CNTNAP2: variants seen among roughly 807,000 people sequenced by gnomAD.
The protein encoded by CNTNAP2 is contactin-associated protein-like 2.
CNTNAP2 carries 98 observed loss-of-function variants against 155.2 expected under a neutral mutation model. That is an observed-to-expected ratio of 0.63 (90% CI 0.54 to 0.75). The LOEUF is 0.75. Among genes scored for constraint, CNTNAP2 ranks in the 30% least tolerant of loss-of-function variants. The pLI, the probability that CNTNAP2 is intolerant of heterozygous loss-of-function variation, is 0.00. For synonymous variants in CNTNAP2, 651 were observed against 631.2 expected (o/e 1.03, Z -0.47); for missense variants, 1,727 against 1,688.1 (o/e 1.02, Z -0.40).
chr7:146,698,190 T>A lies in CNTNAP2; in HGVS notation c.98-76081T>A, dbSNP rs553430113. On this transcript the variant is annotated intron_variant, in intron 1 of 23. Coordinates refer to ENST00000361727, the MANE Select transcript of CNTNAP2 (RefSeq NM_014141.6). ...TGCTGCTATTATTAATTAGAACAAA[T>A]TTTATGTTGTATCCTCTAAGAACCA... 6.6e-5 allele frequency among the ~76,000 whole-genome samples: 10 copies of A among 152,228 alleles called. No homozygotes were observed. In the South Asian group the frequency reaches 8.3e-4, roughly 13 times the overall value.
intron 10 of CNTNAP2, among the ~76,000 whole-genome samples, chr7:147,414,809 T>C (rs1457796902): frequency 1.4e-4 from 21 of 150,238 alleles, no homozygotes; most frequent in South Asian, 4.2e-4. Context: ...GGCGAGGTGG[T>C]GGGCGCCTGT....
chr7:148,355,662 C>G (rs80264126), intron 21 of CNTNAP2, among the ~76,000 whole-genome samples: 5,526 of 152,288 alleles, frequency 0.036, 103 homozygotes, highest in African/African-American at 0.048. Context: ...CAGCGGCTGA[C>G]ACGTGTGAAT....
chr7:146,793,903 G>GA (rs1221328024), intron 2 of CNTNAP2, among the ~76,000 whole-genome samples: 4 of 152,178 alleles, frequency 2.6e-5, no homozygotes, highest in African/African-American at 9.6e-5. Context: ...TACTGTTAAA[G>GA]AAGACAGGAC....
At chr7:148,395,576 C>T (rs1163542993) in intron 22 of CNTNAP2, among the ~76,000 whole-genome samples, 1 of 151,856 alleles carries the variant, frequency 6.6e-6, no homozygotes, top group African/African-American at 2.4e-5. Context: ...GTTGGGGGTG[C>T]GCTCTGTCAA....
chr7:146,966,324 G>A (rs1797656220), intron 3 of CNTNAP2, among the ~76,000 whole-genome samples: 1 of 152,158 alleles, frequency 6.6e-6, no homozygotes, highest in Non-Finnish European at 1.5e-5. Flanking sequence ...TATCACCCAT[G>A]CCTGTACAAT....
chr7:146,787,434 T>C (rs1194477093), intron 2 of CNTNAP2, among the ~76,000 whole-genome samples: 4 of 152,144 alleles, frequency 2.6e-5, no homozygotes, highest in Non-Finnish European at 4.4e-5. Context: ...CTCGCTGACT[T>C]CAGGAATGAA....
chr7:148,104,737 T>TTGTC (rs768567470), intron 15 of CNTNAP2, among the ~76,000 whole-genome samples: 5 of 152,228 alleles, frequency 3.3e-5, no homozygotes, highest in African/African-American at 4.8e-5. Flanking sequence ...TCACCCATCA[T>TTGTC]TGTCAGTACC....
chr7:146,672,788 T>C, intron 1 of CNTNAP2, among the ~76,000 whole-genome samples: 1 of 152,178 alleles, frequency 6.6e-6, no homozygotes, highest in East Asian at 1.9e-4. Context: ...TCTCAAAACT[T>C]ATTTTATATT....
At chr7:146,590,521 C>G (rs897974473) in intron 1 of CNTNAP2, among the ~76,000 whole-genome samples, 1 of 152,152 alleles carries the variant, frequency 6.6e-6, no homozygotes, top group African/African-American at 2.4e-5. Context: ...CTCTTAATGA[C>G]AGTACAGGTT....
At chr7:148,291,436 A>G (rs567292333) in intron 21 of CNTNAP2, among the ~76,000 whole-genome samples, 26 of 152,230 alleles carry the variant, frequency 1.7e-4, no homozygotes, top group African/African-American at 4.3e-4. Flanking sequence ...TTGGAGTCCA[A>G]TGTTCCAGGG....
intron 1 of CNTNAP2, among the ~76,000 whole-genome samples, chr7:146,717,649 TAAAAA>T (rs1801214344): frequency 6.6e-6 from 1 of 151,574 alleles, no homozygotes; most frequent in Non-Finnish European, 1.5e-5. Flanking sequence ...CTAACACAAA[TAAAAA>T]ATAACAAATT....
At chr7:147,528,051 T>C (rs1799357843) in intron 11 of CNTNAP2, among the ~76,000 whole-genome samples, 1 of 152,180 alleles carries the variant, frequency 6.6e-6, no homozygotes, top group South Asian at 2.1e-4. Context: ...CTGTCCTGTG[T>C]TGGTTCAGGG....
At chr7:147,019,337 T>C (rs1242210655) in intron 3 of CNTNAP2, among the ~76,000 whole-genome samples, 1 of 152,050 alleles carries the variant, frequency 6.6e-6, no homozygotes, top group African/African-American at 2.4e-5. Flanking sequence ...AAATGCATGA[T>C]AGTTGACCGA....
At chr7:146,517,996 T>G (rs1218569933) in intron 1 of CNTNAP2, among the ~76,000 whole-genome samples, 1 of 151,930 alleles carries the variant, frequency 6.6e-6, no homozygotes, top group Non-Finnish European at 1.5e-5. Context: ...ATTGTCTTCA[T>G]TTACATTTAC....
intron 1 of CNTNAP2, among the ~76,000 whole-genome samples, chr7:146,589,933 C>T (rs139448650): frequency 1.5e-4 from 23 of 152,228 alleles, no homozygotes; most frequent in Middle Eastern, 3.4e-3. Flanking sequence ...GAATAGAGCA[C>T]AAAAGAGATT....
At chr7:146,122,965 A>G (rs1199492950) in intron 1 of CNTNAP2, among the ~76,000 whole-genome samples, 2 of 152,190 alleles carry the variant, frequency 1.3e-5, no homozygotes, top group Non-Finnish European at 2.9e-5. Flanking sequence ...TCTTTCTTCA[A>G]TTGTAAGTTT....
intron 1 of CNTNAP2, among the ~76,000 whole-genome samples, chr7:146,414,093 G>T (rs1456690108): frequency 6.6e-6 from 1 of 152,100 alleles, no homozygotes; most frequent in Admixed American, 6.6e-5. Flanking sequence ...TAAACAGCCA[G>T]GTTTGAAGCA....
intron 16 of CNTNAP2, among the ~76,000 whole-genome samples, chr7:148,131,491 G>T (rs10228352): frequency 6.6e-6 from 1 of 152,116 alleles, no homozygotes; most frequent in South Asian, 2.1e-4. Flanking sequence ...CCAACAACTA[G>T]AATTGGCCTG....
At chr7:147,512,916 T>C (rs1197039748) in intron 11 of CNTNAP2, among the ~76,000 whole-genome samples, 1 of 152,090 alleles carries the variant, frequency 6.6e-6, no homozygotes, top group African/African-American at 2.4e-5. Context: ...CAATTAGAGT[T>C]AGCAAGCAGA....
Sources: gnomAD v4.1 joint callset for allele counts (sites outside exome capture counted in the v4.1 genomes callset) on GRCh38, gnomAD v4.1.1 for gene constraint, MANE v1.5 for transcripts, NCBI Gene and HGNC (gene_info 2026-07-23, HGNC 2026-07-21) for gene names.